Variants in ZBTB20 observed in about 807,000 individuals in gnomAD.
The protein encoded by ZBTB20 is zinc finger and BTB domain containing 20.
In ZBTB20, 9 loss-of-function variants were observed where a neutral mutation model predicts 56.9. That is an observed-to-expected ratio of 0.16 (90% CI 0.10 to 0.28). ZBTB20 has a LOEUF of 0.28. ZBTB20 is among the 10% of genes least tolerant of loss of function. The pLI, the probability that ZBTB20 is intolerant of heterozygous loss-of-function variation, is 1.00. For synonymous variants in ZBTB20, 417 were observed against 420.7 expected (o/e 0.99, Z 0.11); for missense variants, 655 against 1,003.0 (o/e 0.65, Z 4.69).
At chr3:114,621,432 T>C (rs150966731) in intron 6 of ZBTB20, among the ~76,000 whole-genome samples, 1 of 152,318 alleles carries the variant, frequency 6.6e-6, no homozygotes, top group East Asian at 1.9e-4. Flanking sequence ...TGCGTATATG[T>C]AGGCATTTAT....
chr3:114,399,144 T>C (rs1160497050), intron 7 of ZBTB20, among the ~76,000 whole-genome samples: 2 of 152,150 alleles, frequency 1.3e-5, no homozygotes, highest in Non-Finnish European at 2.9e-5. Flanking sequence ...ACTAGAAGTT[T>C]GGTCTCTTGA....
At chr3:115,024,712 A>C (rs2080347444) in intron 2 of ZBTB20, among the ~76,000 whole-genome samples, 1 of 151,014 alleles carries the variant, frequency 6.6e-6, no homozygotes, top group South Asian at 2.1e-4. Context: ...AGAAAAGTAA[A>C]ACTTTCCTCA....
At chr3:114,966,003 G>A (rs1482040429) in intron 3 of ZBTB20, among the ~76,000 whole-genome samples, 2 of 151,994 alleles carry the variant, frequency 1.3e-5, no homozygotes, top group African/African-American at 4.8e-5. Flanking sequence ...TAAAAAAAGA[G>A]GCAAACATTT....
chr3:114,811,909 C>A (rs1243991518), intron 4 of ZBTB20, among the ~76,000 whole-genome samples: 3 of 152,146 alleles, frequency 2.0e-5, no homozygotes. Context: ...AATGAAGCCG[C>A]GGACCCTCCC....
At chr3:114,946,090 C>G (rs2076878317) in intron 3 of ZBTB20, among the ~76,000 whole-genome samples, 1 of 145,386 alleles carries the variant, frequency 6.9e-6, no homozygotes, top group South Asian at 2.1e-4. Flanking sequence ...ATATTTCTCT[C>G]AGTAAATGAT....
intron 1 of ZBTB20, among the ~76,000 whole-genome samples, chr3:115,121,308 T>C (rs1292235788): frequency 1.3e-5 from 2 of 152,038 alleles, no homozygotes; most frequent in Admixed American, 6.5e-5. Context: ...CTTGTACCCA[T>C]CATTCAATTT....
At chr3:114,839,279 T>C (rs1232139898) in intron 4 of ZBTB20, among the ~76,000 whole-genome samples, 4 of 152,072 alleles carry the variant, frequency 2.6e-5, no homozygotes, top group Non-Finnish European at 5.9e-5. Context: ...TGTGCGCCTA[T>C]GGTCCCAGCT....
At chr3:114,430,594 A>G (rs1193463929) in intron 7 of ZBTB20, among the ~76,000 whole-genome samples, 1 of 152,244 alleles carries the variant, frequency 6.6e-6, no homozygotes, top group Non-Finnish European at 1.5e-5. Flanking sequence ...GCAAACTAAC[A>G]TTTGGATCCA....
intron 6 of ZBTB20, among the ~76,000 whole-genome samples, chr3:114,645,867 T>C (rs1462090841): frequency 6.6e-6 from 1 of 152,196 alleles, no homozygotes; most frequent in Non-Finnish European, 1.5e-5. Context: ...AGATATTTCA[T>C]TCTTAGTTTT....
chr3:114,474,704 T>C (rs1401040937), intron 7 of ZBTB20, among the ~76,000 whole-genome samples: 1 of 152,180 alleles, frequency 6.6e-6, no homozygotes, highest in Non-Finnish European at 1.5e-5. Flanking sequence ...ATGACTCTAC[T>C]AAGGTTCAAA....
Position 114,339,203 on chromosome 3 carries a change from G to T in ZBTB20, c.2028C>A (p.Leu676=), listed in dbSNP as rs574415847. The T allele has an allele frequency of 4.3e-6, 7 of 1,614,250 alleles. No homozygotes were observed. The highest frequency in any genetic ancestry group is 3.3e-4 in the Middle Eastern group (2 of 6,062). ...TGTGCAGGGCCACGTGTCGCTCCAG[G>T]AGGGTCTTGTGAGAGAACTTCTTTT... ...ICKKKFSHKT[L]LERHVALHSA... The change falls in exon 12 of 12, where the codon CTC becomes CTA. Residue 676 remains leucine (L), a synonymous_variant. Coordinates refer to ENST00000675478, the MANE Select transcript of ZBTB20 (RefSeq NM_001348800.3). The surrounding 1 kb of genome is among the most constrained non-coding windows in gnomAD (Gnocchi z 4.2).
chr3:114,414,201 ACTAAT>A (rs2088277645), intron 7 of ZBTB20, among the ~76,000 whole-genome samples: 1 of 152,162 alleles, frequency 6.6e-6, no homozygotes, highest in South Asian at 2.1e-4. Flanking sequence ...TTCTCTATCA[ACTAAT>A]CTAAAGACTC....
intron 6 of ZBTB20, among the ~76,000 whole-genome samples, chr3:114,666,088 C>T (rs1308719473): frequency 6.6e-6 from 1 of 151,950 alleles, no homozygotes; most frequent in Non-Finnish European, 1.5e-5. Flanking sequence ...GGTTATCTAT[C>T]ATGGCTGTAC....
chr3:115,081,844 T>C (rs2082806746), intron 1 of ZBTB20, among the ~76,000 whole-genome samples: 1 of 152,172 alleles, frequency 6.6e-6, no homozygotes, highest in Non-Finnish European at 1.5e-5. Flanking sequence ...AATAAACATT[T>C]TGAGAAGCAT....
At chr3:114,555,732 A>G (rs2051133335) in intron 6 of ZBTB20, among the ~76,000 whole-genome samples, 1 of 152,124 alleles carries the variant, frequency 6.6e-6, no homozygotes, top group Non-Finnish European at 1.5e-5. Context: ...ACTGTGAAAC[A>G]CAGAAATTGA....
rs76450137 is a variant in ZBTB20, at chr3:114,944,686, C to T, written c.-456+29680G>A. Among the ~76,000 whole-genome samples the T allele has an allele frequency of 5.4e-3, 787 of 145,508 alleles. 24 individuals are homozygous for T. Among genetic ancestry groups the T allele is most frequent in the Middle Eastern group, 0.01 (3 of 292 alleles). On this transcript the variant is annotated intron_variant, in intron 3 of 11. Transcript: ENST00000675478. ...AAATCCTGTCATTTACAACAACATA[C>T]GTGGACCTGGAAGATACTATGTTAT... is the stretch of plus-strand genomic sequence containing the variant.
At chr3:114,575,538 T>A (rs1307181848) in intron 6 of ZBTB20, among the ~76,000 whole-genome samples, 3 of 151,342 alleles carry the variant, frequency 2.0e-5, no homozygotes, top group Non-Finnish European at 4.4e-5. Context: ...CAAATTCATA[T>A]AAAAGATTTC....
intron 7 of ZBTB20, among the ~76,000 whole-genome samples, chr3:114,394,949 G>A (rs1009436575): frequency 6.6e-6 from 1 of 152,118 alleles, no homozygotes; most frequent in African/African-American, 2.4e-5. Flanking sequence ...AACATGTAAA[G>A]TTCCTATTTT....
chr3:114,677,464 C>T (rs916923773), intron 6 of ZBTB20, among the ~76,000 whole-genome samples: 7 of 152,078 alleles, frequency 4.6e-5, no homozygotes, highest in Admixed American at 1.3e-4. Flanking sequence ...AGCACAAACC[C>T]TACTGTGAAC....
Sources: allele counts gnomAD v4.1 joint callset (sites outside exome capture counted in the v4.1 genomes callset), GRCh38; gene constraint gnomAD v4.1.1; non-coding constraint Gnocchi (gnomAD v3.1); transcripts MANE v1.5; gene names NCBI Gene and HGNC (gene_info 2026-07-23, HGNC 2026-07-21).